GRIA4: variants seen among roughly 807,000 people sequenced by gnomAD.
GRIA4 encodes the protein glutamate ionotropic receptor AMPA type subunit 4.
A neutral mutation model predicts 104.0 loss-of-function variants in GRIA4; 34 were observed. That is an observed-to-expected ratio of 0.33 (90% CI 0.25 to 0.44). GRIA4 has a LOEUF of 0.44. Ranked by LOEUF, GRIA4 falls within the 20% of genes least tolerant of loss-of-function variation. The pLI, the probability that GRIA4 is intolerant of heterozygous loss-of-function variation, is 1.00. For missense variants in GRIA4, 750 were observed against 1,096.5 expected, an observed-to-expected ratio of 0.68 and a Z score of 4.46; for synonymous variants, 386 against 381.9, an observed-to-expected ratio of 1.01 and a Z score of -0.13.
At chr11:105,756,083 T>C (rs912453143) in intron 4 of GRIA4, among the ~76,000 whole-genome samples, 3 of 152,176 alleles carry the variant, frequency 2.0e-5, no homozygotes, top group Non-Finnish European at 4.4e-5. Flanking sequence ...GTATATATTC[T>C]ATTGCTTCTG....
intron 3 of GRIA4, among the ~76,000 whole-genome samples, chr11:105,751,194 C>T (rs1939974560): frequency 6.6e-6 from 1 of 152,036 alleles, no homozygotes; most frequent in Non-Finnish European, 1.5e-5. Context: ...ATTAATTGAA[C>T]CATGTTATTT....
intron 4 of GRIA4, among the ~76,000 whole-genome samples, chr11:105,859,679 A>G (rs1945147418): frequency 6.6e-6 from 1 of 152,086 alleles, no homozygotes; most frequent in Non-Finnish European, 1.5e-5. Flanking sequence ...CAGGGAGAAG[A>G]CTATTTCTAT....
chr11:105,741,594 C>T (rs1416952103), intron 3 of GRIA4, among the ~76,000 whole-genome samples: 1 of 152,048 alleles, frequency 6.6e-6, no homozygotes, highest in Non-Finnish European at 1.5e-5. Flanking sequence ...GGAGTGTGTT[C>T]CAAGAAGGGA....
rs954011056 is a variant in GRIA4, at chr11:105,745,303, T to G, written c.248-7678T>G. ...TTTGTTTTTAAATCTTCTGTCTAAC[T>G]ACTCTAACCCTTCTTGGTAGCAACA... On this transcript the variant is annotated intron_variant, in intron 3 of 16. Transcript: ENST00000282499. Among the ~76,000 whole-genome samples, 3 of 152,322 alleles carry G rather than the reference T, an allele frequency of 2.0e-5. No homozygotes were observed. The East Asian group carries it at 5.8e-4, about 29-fold the overall frequency.
At chr11:105,690,999 TG>T (rs1953063965) in intron 3 of GRIA4, among the ~76,000 whole-genome samples, 2 of 152,166 alleles carry the variant, frequency 1.3e-5, no homozygotes, top group Non-Finnish European at 2.9e-5. Flanking sequence ...AGTTTTTCTT[TG>T]GATCCTGAGG....
intron 3 of GRIA4, among the ~76,000 whole-genome samples, chr11:105,692,053 G>A (rs1953106902): frequency 6.6e-6 from 1 of 151,908 alleles, no homozygotes; most frequent in East Asian, 1.9e-4. Context: ...CCCCATAGTG[G>A]TGACCTATTT....
chr11:105,647,155 A>G (rs1951552882), intron 3 of GRIA4, among the ~76,000 whole-genome samples: 1 of 152,250 alleles, frequency 6.6e-6, no homozygotes, highest in African/African-American at 2.4e-5. Context: ...GACACTTTTC[A>G]AAAGAAGACA....
At chr11:105,970,073 C>A (rs949122536) in intron 14 of GRIA4, among the ~76,000 whole-genome samples, 2 of 151,984 alleles carry the variant, frequency 1.3e-5, no homozygotes, top group Non-Finnish European at 2.9e-5. Flanking sequence ...CCCCAATTAA[C>A]CATAATCCTC....
intron 3 of GRIA4, among the ~76,000 whole-genome samples, chr11:105,643,131 G>A (rs1951419605): frequency 6.6e-6 from 1 of 152,114 alleles, no homozygotes; most frequent in African/African-American, 2.4e-5. Context: ...TCCCTCCCAT[G>A]ACAAGTGGAG....
In GRIA4 at chr11:105,919,491, T is replaced by G. The variant is rs534912928; in HGVS notation, c.1476+573T>G. Among the ~76,000 whole-genome samples, 10 of 152,266 alleles carry G rather than the reference T, an allele frequency of 6.6e-5. No homozygotes were observed. In the East Asian group the frequency reaches 1.7e-3, roughly 26 times the overall value. On this transcript the variant is annotated intron_variant, in intron 11 of 16. Transcript: ENST00000282499. ...TATGCAGTGCCATCATTTTTTATAATAGTATACATAGCAAAACACAAAAGC... is the reference window on the plus strand; with the variant it reads ...TATGCAGTGCCATCATTTTTTATAAGAGTATACATAGCAAAACACAAAAGC...
At chr11:105,674,944 A>G (rs958173051) in intron 3 of GRIA4, among the ~76,000 whole-genome samples, 2 of 151,920 alleles carry the variant, frequency 1.3e-5, no homozygotes, top group Non-Finnish European at 2.9e-5. Flanking sequence ...TAATCCTCAG[A>G]GACTTGTGAA....
rs61361491 is a variant in GRIA4, at chr11:105,690,793, A to AT, written c.248-62178dup. Among the ~76,000 whole-genome samples the AT allele has an allele frequency of 4.8e-3, 730 of 151,194 alleles. 7 individuals carry two copies. The highest frequency in any genetic ancestry group is 0.016 in the African/African-American group (645 of 41,260). ...ATGATCTATGTGACCTTTTCCAGAG[A>AT]TTTTTTTTTTAAATTCACATTTCAG... is the stretch of plus-strand genomic sequence containing the variant. On this transcript the variant is annotated intron_variant, in intron 3 of 16. Coordinates refer to ENST00000282499, the MANE Select transcript of GRIA4 (RefSeq NM_000829.4).
At chr11:105,881,472 C>T (rs960039401) in intron 5 of GRIA4, among the ~76,000 whole-genome samples, 1 of 152,120 alleles carries the variant, frequency 6.6e-6, no homozygotes, top group Non-Finnish European at 1.5e-5. Context: ...GACTGTATGG[C>T]TTTACAGGAC....
chr11:105,661,733 T>C (rs1309762483), intron 3 of GRIA4, among the ~76,000 whole-genome samples: 1 of 151,800 alleles, frequency 6.6e-6, no homozygotes, highest in East Asian at 1.9e-4. Context: ...AAATTCTTGG[T>C]ATTTGTCAAA....
chr11:105,814,384 T>C (rs1389287297), intron 4 of GRIA4, among the ~76,000 whole-genome samples: 1 of 152,184 alleles, frequency 6.6e-6, no homozygotes, highest in Non-Finnish European at 1.5e-5. Flanking sequence ...TGATTCACAC[T>C]CAAAGTATTA....
At chr11:105,690,535 T>TGTTGACATA (rs1953046949) in intron 3 of GRIA4, among the ~76,000 whole-genome samples, 1 of 152,202 alleles carries the variant, frequency 6.6e-6, no homozygotes, top group African/African-American at 2.4e-5. Flanking sequence ...AGAGAGGGTC[T>TGTTGACATA]GAATGGGGCT....
chr11:105,921,772 G>A (rs1464886335), intron 11 of GRIA4, among the ~76,000 whole-genome samples: 1 of 152,130 alleles, frequency 6.6e-6, no homozygotes, highest in Non-Finnish European at 1.5e-5. Flanking sequence ...TTTCAAGTAA[G>A]TGAAAAGATG....
intron 3 of GRIA4, among the ~76,000 whole-genome samples, chr11:105,655,413 T>C (rs1367896753): frequency 4.6e-5 from 7 of 152,136 alleles, no homozygotes; most frequent in South Asian, 2.1e-4. Flanking sequence ...TAGGTATACA[T>C]GTACCATGGT....
At chr11:105,683,120 G>A (rs1418528484) in intron 3 of GRIA4, among the ~76,000 whole-genome samples, 1 of 152,076 alleles carries the variant, frequency 6.6e-6, no homozygotes, top group Non-Finnish European at 1.5e-5. Flanking sequence ...TTAAGATGGA[G>A]TATAAGGAAT....
Sources: allele counts gnomAD v4.1 joint callset (sites outside exome capture counted in the v4.1 genomes callset), GRCh38; gene constraint gnomAD v4.1.1; transcripts MANE v1.5; gene names NCBI Gene and HGNC (gene_info 2026-07-23, HGNC 2026-07-21).